WDPCP: variants seen among roughly 807,000 people sequenced by gnomAD.
WDPCP encodes WD repeat containing planar cell polarity effector.
A neutral mutation model predicts 93.1 loss-of-function variants in WDPCP; 71 were observed. The observed-to-expected ratio is 0.76, with a 90% CI of 0.63 to 0.93. WDPCP has a LOEUF of 0.93. Ranked by LOEUF, WDPCP falls within the 40% of genes least tolerant of loss-of-function variation. The pLI is 0.00. For missense variants in WDPCP, 844 were observed against 887.4 expected, an observed-to-expected ratio of 0.95 and a Z score of 0.62; for synonymous variants, 315 against 315.0, an observed-to-expected ratio of 1.00 and a Z score of 0.00.
Position 63,278,401 on chromosome 2 carries a change from G to A in WDPCP, c.1813-18992C>T, listed in dbSNP as rs955798111. Reference sequence around the variant, plus strand: ...ACCCAAAACCAGCAGAAGAAAAGAAGTACCGAAGATGAGAGCAGAACTAAA... The same window carrying A: ...ACCCAAAACCAGCAGAAGAAAAGAAATACCGAAGATGAGAGCAGAACTAAA... On this transcript the variant is annotated intron_variant, in intron 13 of 17. Transcript: ENST00000272321. Among the ~76,000 whole-genome samples the A allele has an allele frequency of 1.8e-4, 28 of 152,088 alleles. 1 individual carries two copies. The highest frequency in any genetic ancestry group is 1.6e-3 in the Admixed American group (25 of 15,274).
At chr2:63,147,409 TTTGA>T (rs1179254632) in intron 17 of WDPCP, among the ~76,000 whole-genome samples, 1 of 152,158 alleles carries the variant, frequency 6.6e-6, no homozygotes, top group African/African-American at 2.4e-5. Flanking sequence ...ATCAATTGAA[TTTGA>T]TTGGTTGGAT....
At chr2:63,154,796 T>G (rs1020100633) in intron 15 of WDPCP, among the ~76,000 whole-genome samples, 3 of 152,178 alleles carry the variant, frequency 2.0e-5, no homozygotes, top group African/African-American at 7.2e-5. Flanking sequence ...TGCATCATCC[T>G]CACCAGCACC....
intron 9 of WDPCP, among the ~76,000 whole-genome samples, chr2:63,418,404 G>C (rs1695589799): frequency 6.6e-6 from 1 of 152,186 alleles, no homozygotes; most frequent in African/African-American, 2.4e-5. Context: ...AAAAAGATAG[G>C]ATAGTGGTTG....
At chr2:63,638,695 G>A (rs1273724677) in intron 3 of WDPCP, among the ~76,000 whole-genome samples, 3 of 151,852 alleles carry the variant, frequency 2.0e-5, no homozygotes, top group African/African-American at 7.3e-5. Flanking sequence ...AGGCTGAGGT[G>A]GGAGGATCAC....
At chr2:63,651,956 T>A (rs1253586110) in intron 2 of WDPCP, among the ~76,000 whole-genome samples, 1 of 152,224 alleles carries the variant, frequency 6.6e-6, no homozygotes, top group African/African-American at 2.4e-5. Context: ...GGAGCTATAA[T>A]AACTTTCCTC....
chr2:63,132,758 T>G (rs1213149848), intron 17 of WDPCP, among the ~76,000 whole-genome samples: 1 of 152,132 alleles, frequency 6.6e-6, no homozygotes, highest in Non-Finnish European at 1.5e-5. Flanking sequence ...TGATTTCCTT[T>G]AGGTCTCTGT....
At chr2:63,839,356 G>T in the WDPCP span, among the ~76,000 whole-genome samples, 189 of 152,266 alleles carry the variant, frequency 1.2e-3, 1 homozygote, top group African/African-American at 4.5e-3. Flanking sequence ...TCAGGGGTTT[G>T]AGACCAGCCT....
At chr2:63,193,590 A>G (rs1032948969) in intron 14 of WDPCP, among the ~76,000 whole-genome samples, 15 of 152,220 alleles carry the variant, frequency 9.9e-5, no homozygotes, top group Non-Finnish European at 4.4e-5. Flanking sequence ...GGTTTAAGCA[A>G]TCCTCCCTAG....
chr2:63,716,816 T>C (rs1356662060), intron 2 of WDPCP, among the ~76,000 whole-genome samples: 1 of 152,218 alleles, frequency 6.6e-6, no homozygotes, highest in Non-Finnish European at 1.5e-5. Flanking sequence ...ATTTATATTT[T>C]ACTAATTAAA....
intron 2 of WDPCP, among the ~76,000 whole-genome samples, chr2:63,674,270 A>G (rs1160575431): frequency 6.6e-6 from 1 of 152,238 alleles, no homozygotes; most frequent in Non-Finnish European, 1.5e-5. Flanking sequence ...CAAGATTACT[A>G]TATAGACCTA....
intron 1 of WDPCP, among the ~76,000 whole-genome samples, chr2:63,575,489 A>ACAGTGTATACAGTGTATGCACT (rs1257278044): frequency 5.8e-5 from 1 of 17,288 alleles, no homozygotes; most frequent in Non-Finnish European, 1.3e-4. Flanking sequence ...GTGTATATAT[A>ACAGTGTATACAGTGTATGCACT]GTATATACAG....
chr2:63,424,855 G>A (rs1399967343), intron 9 of WDPCP, among the ~76,000 whole-genome samples: 1 of 152,158 alleles, frequency 6.6e-6, no homozygotes, highest in Non-Finnish European at 1.5e-5. Flanking sequence ...CAAAGGTATT[G>A]GGCGCGGTGC....
chr2:63,142,524 A>T (rs979407277), intron 17 of WDPCP, among the ~76,000 whole-genome samples: 1 of 152,118 alleles, frequency 6.6e-6, no homozygotes, highest in African/African-American at 2.4e-5. Context: ...TCAATTTTTT[A>T]AAATTTATTG....
chr2:63,458,458 C>T (rs544421650), intron 6 of WDPCP, among the ~76,000 whole-genome samples: 2 of 151,660 alleles, frequency 1.3e-5, no homozygotes, highest in African/African-American at 4.8e-5. Context: ...ATGAACTAGG[C>T]GAGAAAGAAA....
chr2:63,675,226 C>T (rs757390115), intron 2 of WDPCP, among the ~76,000 whole-genome samples: 1 of 152,164 alleles, frequency 6.6e-6, no homozygotes, highest in African/African-American at 2.4e-5. Flanking sequence ...ATGCCTCCTT[C>T]ATTGGGACTC....
intron 9 of WDPCP, among the ~76,000 whole-genome samples, chr2:63,411,566 T>C (rs1695025646): frequency 6.6e-6 from 1 of 151,636 alleles, no homozygotes; most frequent in African/African-American, 2.4e-5. Flanking sequence ...CAAACAAAAA[T>C]ACAAAAGATA....
In WDPCP at chr2:63,337,902, C is replaced by A. The variant is rs189757154; in HGVS notation, c.1749-24591G>T. ...CCTTATATATTCTGATTATTAATCT[C>A]TTGTCAAATGAATAATTTGCAAATA... On this transcript the variant is annotated intron_variant, in intron 12 of 17. Transcript: ENST00000272321. Among the ~76,000 whole-genome samples, 699 of 152,248 alleles carry A rather than the reference C, an allele frequency of 4.6e-3. 25 individuals are homozygous for A. The highest frequency in any genetic ancestry group is 0.043 in the Admixed American group (655 of 15,294).
intron 2 of WDPCP, among the ~76,000 whole-genome samples, chr2:63,683,196 A>T (rs1668746186): frequency 6.6e-6 from 1 of 152,178 alleles, no homozygotes. Context: ...AAGACCACAA[A>T]ACAACCAGAA....
At position 63,271,585 on chromosome 2, in the gene WDPCP, T is replaced by C. The variant is rs1443158085; in HGVS notation, c.1813-12176A>G. ...CTGTCACTGGTGCCTACATGCACCA[T>C]TGTGGTGCGGGGGAGGGGGCTTGAA... On this transcript the variant is annotated intron_variant, in intron 13 of 17. Transcript: ENST00000272321. 3.3e-5 allele frequency among the ~76,000 whole-genome samples: 5 copies of C among 152,164 alleles called. No individual in the cohort carries two copies. The East Asian group carries it at 9.7e-4, about 29-fold the overall frequency.
Sources: gnomAD v4.1 joint callset for allele counts (sites outside exome capture counted in the v4.1 genomes callset) on GRCh38, gnomAD v4.1.1 for gene constraint, MANE v1.5 for transcripts, NCBI Gene and HGNC (gene_info 2026-07-23, HGNC 2026-07-21) for gene names.